The following ZNF250 variants were observed in gnomAD, a reference collection of about 807,000 sequenced individuals.
The protein encoded by ZNF250 is zinc finger protein (clone 647).
Under a neutral mutation model 37.1 loss-of-function variants are expected in ZNF250, and 13 were observed. That is an observed-to-expected ratio of 0.35 (90% CI 0.23 to 0.56). The LOEUF (loss-of-function observed/expected upper bound fraction) is 0.56. ZNF250 is among the 20% of genes least tolerant of loss of function. The pLI is 0.87. For missense variants in ZNF250, 474 were observed against 697.9 expected (o/e 0.68, Z 3.61); for synonymous variants, 251 against 265.6 (o/e 0.94, Z 0.54).
intron 5 of ZNF250, among the ~76,000 whole-genome samples, chr8:144,885,155 T>C (rs1831778529): frequency 6.6e-6 from 1 of 152,264 alleles, no homozygotes; most frequent in Non-Finnish European, 1.5e-5. Context: ...GTTTCGTTCT[T>C]GTTGCCCAGG....
intron 1 of ZNF250, among the ~76,000 whole-genome samples, chr8:144,896,358 A>G (rs1586923559): frequency 7.3e-6 from 1 of 136,854 alleles, no homozygotes; most frequent in Non-Finnish European, 1.6e-5. Context: ...AAATAAATAA[A>G]TAAATAAATA....
intron 1 of ZNF250, among the ~76,000 whole-genome samples, chr8:144,892,083 C>T (rs918079309): frequency 1.3e-5 from 2 of 152,206 alleles, no homozygotes; most frequent in Non-Finnish European, 2.9e-5. Flanking sequence ...AATAAACTAA[C>T]TGCCTGCCTC....
At chr8:144,898,346 CAA>C (rs1832862588) in intron 1 of ZNF250, among the ~76,000 whole-genome samples, 1 of 151,726 alleles carries the variant, frequency 6.6e-6, no homozygotes, top group African/African-American at 2.4e-5. Context: ...CAAAACAAAA[CAA>C]AACAAAAAAA....
Position 144,881,413 on chromosome 8 carries a change from A to C in ZNF250, c.*102T>G. 1 of 1,442,880 alleles carries C rather than the reference A, an allele frequency of 6.9e-7. No individual in the cohort carries two copies. The allele number at this position is 1,442,880 out of a possible 1,614,324, so 89.4% of individuals were successfully genotyped here. Reference sequence around the variant, plus strand: ...ATTTTGTGACACTGAATCGCCAAAGAAAAGCTTCCTATAGAGTTAACAGAG... The same window carrying C: ...ATTTTGTGACACTGAATCGCCAAAGCAAAGCTTCCTATAGAGTTAACAGAG... On this transcript the variant is annotated 3_prime_UTR_variant, in exon 6 of 6. Coordinates refer to ENST00000417550, the MANE Select transcript of ZNF250 (RefSeq NM_001109689.4).
chr8:144,885,860 C>G (rs904048754), intron 5 of ZNF250, among the ~76,000 whole-genome samples: 1 of 152,032 alleles, frequency 6.6e-6, no homozygotes, highest in Non-Finnish European at 1.5e-5. Context: ...AATCCCAGCA[C>G]TTCGGGAGGG....
At position 144,879,256 on chromosome 8, in the gene ZNF250, C is replaced by T. The variant is rs1831303457; in HGVS notation, c.*2259G>A. On this transcript the variant is annotated 3_prime_UTR_variant, in exon 6 of 6. Coordinates refer to ENST00000417550, the MANE Select transcript of ZNF250 (RefSeq NM_001109689.4). ...TTTCACTTCAGTGGTTTCAGTTGCTCTGAAGTAAAACACCAGTGATGTCAG... is the reference window on the plus strand; with the variant it reads ...TTTCACTTCAGTGGTTTCAGTTGCTTTGAAGTAAAACACCAGTGATGTCAG... 1 of 152,224 alleles carries T rather than the reference C, an allele frequency of 6.6e-6. No homozygotes were observed. The highest frequency in any genetic ancestry group is 1.5e-5 in the Non-Finnish European group (1 of 68,048). 9.4% of individuals were successfully genotyped at this position (152,224 alleles called of 1,614,324 possible).
At chr8:144,895,981 C>G (rs551847158) in intron 1 of ZNF250, among the ~76,000 whole-genome samples, 2 of 144,986 alleles carry the variant, frequency 1.4e-5, no homozygotes, top group African/African-American at 5.2e-5. Flanking sequence ...TGCACTCCAG[C>G]CTGCATAACA....
chr8:144,882,517 AT>A lies in ZNF250; in HGVS notation c.665del (p.Tyr222LeufsTer40). 1 of 1,614,134 alleles carries A rather than the reference AT, an allele frequency of 6.2e-7. No homozygotes were observed. On this transcript the variant is annotated frameshift_variant, in exon 6 of 6. Transcript: ENST00000417550. LOFTEE classifies it high-confidence loss of function. The surrounding 1 kb of genome is among the most constrained non-coding windows in gnomAD (Gnocchi z 5.5). Reference protein sequence around the residue: ...HQRIHTGEKPYVCSVCGKAFS... With the variant: ...HQRIHTGEKPXVCSVCGKAFS... ...AGGCCTTCCCACATACACTGCACACATAGGGCTTCTCTCCAGTGTGGATACG... is the reference window on the plus strand; with the variant it reads ...AGGCCTTCCCACATACACTGCACACAAGGGCTTCTCTCCAGTGTGGATACG...
Position 144,880,616 on chromosome 8 carries a change from C to T in ZNF250, c.*899G>A. 2 of 396,776 alleles carry T rather than the reference C, an allele frequency of 5.0e-6. No homozygotes were observed. Among genetic ancestry groups the T allele is most frequent in the South Asian group, 1.8e-5 (1 of 56,078 alleles). 24.6% of individuals were successfully genotyped at this position (396,776 alleles called of 1,614,324 possible). On this transcript the variant is annotated 3_prime_UTR_variant, in exon 6 of 6. Coordinates refer to ENST00000417550, the MANE Select transcript of ZNF250 (RefSeq NM_001109689.4). ...TGGTGCCTCACGCCTGTAATCCCAACACTTTCGGAAGCAAAGGTGGGAGGA... is the reference window on the plus strand; with the variant it reads ...TGGTGCCTCACGCCTGTAATCCCAATACTTTCGGAAGCAAAGGTGGGAGGA...
intron 5 of ZNF250, among the ~76,000 whole-genome samples, chr8:144,884,613 G>A (rs1831737440): frequency 6.6e-6 from 1 of 152,200 alleles, no homozygotes; most frequent in African/African-American, 2.4e-5. Context: ...ATTCTCCTAT[G>A]TTTCCTGGTG....
chr8:144,884,008 G>A (rs951585380), intron 5 of ZNF250, among the ~76,000 whole-genome samples: 1 of 152,182 alleles, frequency 6.6e-6, no homozygotes, highest in Non-Finnish European at 1.5e-5. Context: ...CTCCCAAAGT[G>A]CTGGGAGTAC....
chr8:144,883,932 T>C (rs1187322405), intron 5 of ZNF250, among the ~76,000 whole-genome samples: 1 of 151,438 alleles, frequency 6.6e-6, no homozygotes, highest in Admixed American at 6.6e-5. Context: ...TGGAGTACAG[T>C]GGCTACTATC....
intron 1 of ZNF250, among the ~76,000 whole-genome samples, chr8:144,899,738 T>C (rs1832978250): frequency 6.6e-6 from 1 of 152,062 alleles, no homozygotes; most frequent in Non-Finnish European, 1.5e-5. Flanking sequence ...TTCAAATCAA[T>C]GGGAAGATCA....
chr8:144,890,280 C>A lies in ZNF250; in HGVS notation c.42+28G>T. The A allele has an allele frequency of 6.4e-7, 1 of 1,551,136 alleles. No individual in the cohort carries two copies. The highest frequency in any genetic ancestry group is 1.4e-5 in the African/African-American group (1 of 73,920). On this transcript the variant is annotated intron_variant, in intron 2 of 5. Coordinates refer to ENST00000417550, the MANE Select transcript of ZNF250 (RefSeq NM_001109689.4). This position sits in a 1 kb window ranked among gnomAD's most constrained non-coding sequence, Gnocchi z 5.1. Reference sequence around the variant, plus strand: ...GGAACCACAGGGCTCGGGCTGGGGGCACTGCATAAGCACTGGGGACAGCTT... The same window carrying A: ...GGAACCACAGGGCTCGGGCTGGGGGAACTGCATAAGCACTGGGGACAGCTT...
In ZNF250 at chr8:144,879,370, C is replaced by CAAAA. The variant is rs558909905; in HGVS notation, c.*2144_*2145insTTTT. On this transcript the variant is annotated 3_prime_UTR_variant, in exon 6 of 6. Coordinates refer to ENST00000417550, the MANE Select transcript of ZNF250 (RefSeq NM_001109689.4). ...CAGTGTCTGTACATAGAAGGGGGAA[C>CAAAA]AAGCTTTTGTCTACATCGTGGTGTT... is the stretch of plus-strand genomic sequence containing the variant. 52 of 152,358 alleles carry CAAAA rather than the reference C, an allele frequency of 3.4e-4. No individual in the cohort carries two copies. Among genetic ancestry groups the CAAAA allele is most frequent in the African/African-American group, 1.2e-3 (51 of 41,574 alleles). 9.4% of individuals were successfully genotyped at this position (152,358 alleles called of 1,614,324 possible). A position where few individuals can be genotyped will look rare whatever the true frequency, so the allele number is the denominator to read the frequency against.
At chr8:144,888,841 C>T (rs903826166) in intron 4 of ZNF250, among the ~76,000 whole-genome samples, 6 of 152,216 alleles carry the variant, frequency 3.9e-5, no homozygotes, top group South Asian at 4.1e-4. Context: ...CTCTGCCTCC[C>T]GGGTTCACGC....
At position 144,877,444 on chromosome 8, in the gene ZNF250, G is replaced by A. The variant is rs1831200370; in HGVS notation, c.*4071C>T. ...AACAAATCCAAAATAAAGGTGGAAT[G>A]CTGCTGACAAATCAGGCAGAAGATA... On this transcript the variant is annotated 3_prime_UTR_variant, in exon 6 of 6. Transcript: ENST00000417550. The A allele has an allele frequency of 6.6e-6, 1 of 152,234 alleles. No homozygotes were observed. Among genetic ancestry groups the A allele is most frequent in the African/African-American group, 2.4e-5 (1 of 41,456 alleles). The allele number at this position is 152,234 out of a possible 1,614,324, so 9.4% of individuals were successfully genotyped here.
At position 144,881,705 on chromosome 8, in the gene ZNF250, A is replaced by G. The variant is rs763558755; in HGVS notation, c.1478T>C (p.Leu493Pro). Residue 493 changes from leucine to proline, a missense_variant, in exon 6 of 6, where the codon CTG becomes CCG. Transcript: ENST00000417550. ...TGGCTTCTCGCCCGTGTGGGTCCTC[A>G]GGTGCACAATCAGAGTTGCTTTCAG... ...FSLKATLIVH[L>P]RTHTGEKPYE... 1 of 1,611,080 alleles carries G rather than the reference A, an allele frequency of 6.2e-7. No individual in the cohort carries two copies. The highest frequency in any genetic ancestry group is 1.1e-5 in the South Asian group (1 of 90,626).
rs1176057282 is a variant in ZNF250 at position 144,878,582 on chromosome 8, G to A, written c.*2933C>T. 1.3e-5 allele frequency: 2 copies of A among 151,832 alleles called. No homozygotes were observed. Among genetic ancestry groups the A allele is most frequent in the African/African-American group, 4.8e-5 (2 of 41,306 alleles). The allele number at this position is 151,832 out of a possible 1,614,324, so 9.4% of individuals were successfully genotyped here. On this transcript the variant is annotated 3_prime_UTR_variant, in exon 6 of 6. Coordinates refer to ENST00000417550, the MANE Select transcript of ZNF250 (RefSeq NM_001109689.4). ...TCCTCCCTTAAGTAACATCTCATTG[G>A]TATCAGCTTTTCTCTGAAGCAGAAC... is the stretch of plus-strand genomic sequence containing the variant.
Sources: allele counts gnomAD v4.1 joint callset (sites outside exome capture counted in the v4.1 genomes callset), GRCh38; gene constraint gnomAD v4.1.1; non-coding constraint Gnocchi (gnomAD v3.1); transcripts MANE v1.5; gene names NCBI Gene and HGNC (gene_info 2026-07-23, HGNC 2026-07-21).